LDHC: variants seen among roughly 807,000 people sequenced by gnomAD.
The protein encoded by LDHC is L-lactate dehydrogenase C chain.
In LDHC, 20 loss-of-function variants were observed where a neutral mutation model predicts 30.2. That is an observed-to-expected ratio of 0.66 (90% CI 0.47 to 0.96). The LOEUF (loss-of-function observed/expected upper bound fraction) is 0.96. LDHC is among the 40% of genes least tolerant of loss of function. The pLI, the probability that LDHC is intolerant of heterozygous loss-of-function variation, is 0.00. For missense variants in LDHC, 362 were observed against 394.9 expected (o/e 0.92, Z 0.71); for synonymous variants, 139 against 132.7 (o/e 1.05, Z -0.32).
At chr11:18,416,940 G>A (rs1221510331) in intron 3 of LDHC, among the ~76,000 whole-genome samples, 1 of 152,016 alleles carries the variant, frequency 6.6e-6, no homozygotes, top group African/African-American at 2.4e-5. Flanking sequence ...CTGGAGTGTG[G>A]TGGTACAATC....
chr11:18,427,021 T>C (rs1052622899), intron 3 of LDHC, among the ~76,000 whole-genome samples: 3 of 152,216 alleles, frequency 2.0e-5, no homozygotes, highest in Non-Finnish European at 4.4e-5. Context: ...ACTTAATGTA[T>C]ATTAACTCAC....
chr11:18,418,875 T>C (rs1450273492), intron 3 of LDHC, among the ~76,000 whole-genome samples: 5 of 152,176 alleles, frequency 3.3e-5, no homozygotes, highest in Non-Finnish European at 7.3e-5. Context: ...GAATATGTTC[T>C]TAACAAAAAA....
Position 18,434,827 on chromosome 11 carries a change from G to A in LDHC, c.506G>A (p.Arg169His), listed in dbSNP as rs1480534867. The change falls in exon 5 of 8, where the codon CGT (arginine) becomes CAT (histidine). Residue 169 changes from arginine (R) to histidine (H), a missense_variant. Coordinates refer to ENST00000541669, the MANE Select transcript of LDHC (RefSeq NM_017448.5). Reference protein sequence around the residue: ...IGSGCNLDSARFRYLIGEKLG... With the variant: ...IGSGCNLDSAHFRYLIGEKLG... ...AGTGGTTGTAATCTAGACTCTGCCCGTTTCCGTTACCTAATTGGAGAAAAG... is the reference window on the plus strand; with the variant it reads ...AGTGGTTGTAATCTAGACTCTGCCCATTTCCGTTACCTAATTGGAGAAAAG... The A allele has an allele frequency of 1.1e-5, 17 of 1,611,660 alleles. No homozygotes were observed. The highest frequency in any genetic ancestry group is 1.7e-5 in the Admixed American group (1 of 59,982).
intron 1 of LDHC, 26 bp from the exon 2 acceptor site, chr11:18,412,683 C>A: frequency 6.2e-7 from 1 of 1,603,920 alleles, no homozygotes; most frequent in South Asian, 1.1e-5. Flanking sequence ...GTGGTTAATC[C>A]AATGAAATTG....
chr11:18,436,481 GTTTTTT>G (rs35976847), intron 5 of LDHC, among the ~76,000 whole-genome samples: 1 of 108,186 alleles, frequency 9.2e-6, no homozygotes, highest in Admixed American at 1.2e-4. Context: ...ATAATACAAA[GTTTTTT>G]TTTTTTTTTT....
chr11:18,415,046 T>C (rs1490594595), intron 2 of LDHC, 138 bp from the exon 3 acceptor site: 3 of 522,684 alleles, frequency 5.7e-6, no homozygotes, highest in African/African-American at 3.9e-5. Flanking sequence ...CCCAGGCTCA[T>C]TGAAAAACTA....
At chr11:18,440,622 T>G (rs1253034492) in intron 6 of LDHC, among the ~76,000 whole-genome samples, 2 of 152,040 alleles carry the variant, frequency 1.3e-5, no homozygotes, top group African/African-American at 2.4e-5. Flanking sequence ...ATGATAAATT[T>G]TACCGTAGTT....
chr11:18,420,931 T>C (rs1848035981), intron 3 of LDHC, among the ~76,000 whole-genome samples: 1 of 152,088 alleles, frequency 6.6e-6, no homozygotes, highest in South Asian at 2.1e-4. Flanking sequence ...GGGGTGATAG[T>C]GATGAATGAA....
chr11:18,432,519 G>A (rs2643855), intron 4 of LDHC, among the ~76,000 whole-genome samples: 17,702 of 152,100 alleles, frequency 0.12, 1,217 homozygotes, highest in East Asian at 0.32. Context: ...TTTCTTTGTT[G>A]ACTTTCTGTC....
chr11:18,442,738 C>G (rs569536274), intron 6 of LDHC, among the ~76,000 whole-genome samples: 1 of 145,554 alleles, frequency 6.9e-6, no homozygotes, highest in East Asian at 2.1e-4. Context: ...TTTTGGCTCA[C>G]TGCAACCTCC....
chr11:18,414,350 A>G (rs1866965117), intron 2 of LDHC, among the ~76,000 whole-genome samples: 1 of 152,206 alleles, frequency 6.6e-6, no homozygotes. Flanking sequence ...TGTTAATTGT[A>G]CTGCACTGAA....
At chr11:18,444,604 G>GTATGTATATATA (rs1848519171) in intron 6 of LDHC, among the ~76,000 whole-genome samples, 1 of 89,308 alleles carries the variant, frequency 1.1e-5, no homozygotes, top group Non-Finnish European at 2.5e-5. Flanking sequence ...TGTTCAGGTG[G>GTATGTATATATA]TATATATATA....
rs536321262 is a variant in LDHC, at chr11:18,425,836, AG to A, written c.245-3898del. On this transcript the variant is annotated intron_variant, in intron 3 of 7. Transcript: ENST00000541669. Reference sequence around the variant, plus strand: ...GCGCCTGTAGTCCCAGCTACTCAGGAGGGCTGAGGCAGGAGAATGGCATGAA... The same window carrying A: ...GCGCCTGTAGTCCCAGCTACTCAGGAGGCTGAGGCAGGAGAATGGCATGAA... Among the ~76,000 whole-genome samples the A allele has an allele frequency of 3.4e-4, 51 of 151,710 alleles. 1 individual carries two copies. Among genetic ancestry groups the A allele is most frequent in the African/African-American group, 1.1e-3 (45 of 41,432 alleles).
intron 3 of LDHC, among the ~76,000 whole-genome samples, chr11:18,426,538 A>AAG (rs893200848): frequency 2.6e-5 from 4 of 151,898 alleles, no homozygotes; most frequent in Admixed American, 6.6e-5. Flanking sequence ...AAAAAAAAAA[A>AAG]AAAAAAGATA....
intron 2 of LDHC, among the ~76,000 whole-genome samples, chr11:18,413,163 C>T (rs1215312944): frequency 6.6e-6 from 1 of 151,748 alleles, no homozygotes; most frequent in Non-Finnish European, 1.5e-5. Context: ...CCCACTGCAA[C>T]CTCCACCTCC....
intron 6 of LDHC, among the ~76,000 whole-genome samples, chr11:18,442,730 T>C (rs780720387): frequency 1.3e-5 from 2 of 151,016 alleles, no homozygotes; most frequent in Non-Finnish European, 3.0e-5. Context: ...TGGGGCAATT[T>C]TGGCTCACTG....
At position 18,412,342 on chromosome 11, in the gene LDHC, A is replaced by C. The variant is rs3740714; in HGVS notation, c.-76A>C. On this transcript the variant is annotated 5_prime_UTR_variant, in exon 1 of 8. Coordinates refer to ENST00000541669, the MANE Select transcript of LDHC (RefSeq NM_017448.5). The stretch of plus-strand genomic sequence containing the variant: ...CGAGTCGCACGGAGGGCAACCGTCG[A>C]CGGGCTTAGCGCCTCAACTGTCGTT... 0.11 allele frequency: 18,816 copies of C among 164,660 alleles called. 1,146 individuals are homozygous for C. Among genetic ancestry groups the C allele is most frequent in the African/African-American group, 0.13 (5,501 of 41,820 alleles). 10.2% of individuals were successfully genotyped at this position (164,660 alleles called of 1,614,324 possible). A position where few individuals can be genotyped will look rare whatever the true frequency, so the allele number is the denominator to read the frequency against.
chr11:18,440,086 G>A lies in LDHC; in HGVS notation c.710+1441G>A, dbSNP rs540437115. Among the ~76,000 whole-genome samples the A allele has an allele frequency of 4.0e-5, 6 of 150,382 alleles. No homozygotes were observed. The South Asian group carries it at 1.3e-3, about 32-fold the overall frequency. On this transcript the variant is annotated intron_variant, in intron 6 of 7. Transcript: ENST00000541669. ...GAAGGCCTAGGTGGGCTGATCATGAGGTCAGGAGATCAAGACCATCCTGGC... is the reference window on the plus strand; with the variant it reads ...GAAGGCCTAGGTGGGCTGATCATGAAGTCAGGAGATCAAGACCATCCTGGC...
Position 18,451,726 on chromosome 11 carries a change from G to A in LDHC, c.*599G>A, listed in dbSNP as rs962220182. On this transcript the variant is annotated 3_prime_UTR_variant, in exon 8 of 8. Transcript: ENST00000541669. ...GTGCTTTGGGAGGGTGAGGCAAGAG[G>A]ATCACATGAGTCCAGGAGTTTGAGA... 6.6e-6 allele frequency: 1 copy of A among 152,154 alleles called. No individual in the cohort carries two copies. The highest frequency in any genetic ancestry group is 1.5e-5 in the Non-Finnish European group (1 of 68,054). The allele number at this position is 152,154 out of a possible 1,614,324, so 9.4% of individuals were successfully genotyped here.
Sources: allele counts gnomAD v4.1 joint callset (sites outside exome capture counted in the v4.1 genomes callset), GRCh38; gene constraint gnomAD v4.1.1; transcripts MANE v1.5; gene names NCBI Gene and HGNC (gene_info 2026-07-23, HGNC 2026-07-21).